Variants in PAIP1 observed in about 807,000 individuals in gnomAD.
PAIP1 encodes the protein poly(A) binding protein interacting protein 1.
PAIP1 carries 16 observed loss-of-function variants against 61.3 expected under a neutral mutation model. That is an observed-to-expected ratio of 0.26 (90% CI 0.18 to 0.40). The LOEUF is 0.40. Among genes scored for constraint, PAIP1 ranks in the 10% least tolerant of loss-of-function variants. The pLI is 1.00. For missense variants in PAIP1, 416 were observed against 600.9 expected (o/e 0.69, Z 3.22); for synonymous variants, 187 against 226.2 (o/e 0.83, Z 1.56).
At chr5:43,536,214 C>A (rs1399205120) in intron 6 of PAIP1, among the ~76,000 whole-genome samples, 1 of 152,138 alleles carries the variant, frequency 6.6e-6, no homozygotes, top group African/African-American at 2.4e-5. Context: ...ATTTGGAAGG[C>A]AAATTAGCCA....
intron 2 of PAIP1, among the ~76,000 whole-genome samples, chr5:43,554,048 G>T (rs1747967595): frequency 6.6e-6 from 1 of 152,216 alleles, no homozygotes; most frequent in African/African-American, 2.4e-5. Context: ...ATCTGTTTTG[G>T]TAAATTGAGC....
At chr5:43,528,979 T>A (rs1210339361) in intron 10 of PAIP1, among the ~76,000 whole-genome samples, 3 of 152,090 alleles carry the variant, frequency 2.0e-5, no homozygotes, top group African/African-American at 7.2e-5. Context: ...ATATAAACAG[T>A]CCTATAATTA....
At chr5:43,555,732 T>G (rs1262085620) in intron 2 of PAIP1, 98 bp downstream of exon 2, 18 of 1,006,012 alleles carry the variant, frequency 1.8e-5, no homozygotes, top group Non-Finnish European at 2.4e-5. Context: ...TTTTTTTACG[T>G]GTAGTACAGA....
intron 2 of PAIP1, among the ~76,000 whole-genome samples, chr5:43,551,629 G>A (rs1368850917): frequency 6.6e-6 from 1 of 152,020 alleles, no homozygotes; most frequent in Non-Finnish European, 1.5e-5. Flanking sequence ...CACTATTAAT[G>A]ACAAGGAACA....
At chr5:43,532,199 TAAA>T (rs1372811769) in intron 9 of PAIP1, among the ~76,000 whole-genome samples, 1 of 151,620 alleles carries the variant, frequency 6.6e-6, no homozygotes, top group East Asian at 1.9e-4. Flanking sequence ...TTAGAAAAAA[TAAA>T]AAACAAATAA....
At chr5:43,538,887 G>A in intron 5 of PAIP1, 37 bp downstream of exon 5, 1 of 1,000,656 alleles carries the variant, frequency 1.0e-6, no homozygotes, top group Non-Finnish European at 1.6e-6. Context: ...TATGTTCTCA[G>A]GCCTTGTTAG....
Position 43,556,403 on chromosome 5 carries a change from A to G in PAIP1, c.265+179T>C. On this transcript the variant is annotated intron_variant, in intron 1 of 10. Coordinates refer to ENST00000306846, the MANE Select transcript of PAIP1 (RefSeq NM_006451.5). ...AGCCAGGCGCACAAAGGATTCCAGC[A>G]GACACCTTCCAAACCCGGTTCCGGG... 2.4e-6 allele frequency: 3 copies of G among 1,229,546 alleles called. No individual in the cohort carries two copies. The African/African-American group carries it at 4.7e-5, about 19-fold the overall frequency. 76.2% of individuals were successfully genotyped at this position (1,229,546 alleles called of 1,614,324 possible). A position where few individuals can be genotyped will look rare whatever the true frequency, so the allele number is the denominator to read the frequency against.
intron 5 of PAIP1, among the ~76,000 whole-genome samples, chr5:43,537,599 C>T (rs576806718): frequency 6.6e-6 from 1 of 152,234 alleles, no homozygotes; most frequent in African/African-American, 2.4e-5. Flanking sequence ...GATAGATTCA[C>T]ATTGTCTTAT....
At chr5:43,556,395 A>G (rs774548438) in intron 1 of PAIP1, 187 bp downstream of exon 1, 5 of 1,231,482 alleles carry the variant, frequency 4.1e-6, no homozygotes, top group Non-Finnish European at 5.1e-6. Flanking sequence ...CGCACAAAGG[A>G]TTCCAGCAGA....
At chr5:43,534,784 G>A in intron 8 of PAIP1, 69 bp downstream of exon 8, 2 of 833,442 alleles carry the variant, frequency 2.4e-6, no homozygotes, top group Non-Finnish European at 4.2e-6. Flanking sequence ...ACAGCTTTAT[G>A]TAGCTCTTCT....
chr5:43,544,382 G>A (rs1477894393), intron 3 of PAIP1, among the ~76,000 whole-genome samples: 1 of 151,896 alleles, frequency 6.6e-6, no homozygotes, highest in African/African-American at 2.4e-5. Context: ...CCCAAGACTT[G>A]GTTCACCCTT....
chr5:43,526,893 T>C lies in PAIP1; in HGVS notation c.*483A>G, dbSNP rs1448413730. On this transcript the variant is annotated 3_prime_UTR_variant, in exon 11 of 11. Transcript: ENST00000306846. ...CAGTTGTTGATATATTCCAAGACTT[T>C]AGTGCTAAAGATTTTCAAGATTATG... The C allele has an allele frequency of 6.6e-6, 1 of 151,526 alleles. No homozygotes were observed. The highest frequency in any genetic ancestry group is 1.5e-5 in the Non-Finnish European group (1 of 67,700). The allele number at this position is 151,526 out of a possible 1,614,324, so 9.4% of individuals were successfully genotyped here.
chr5:43,535,512 TTTACA>T lies in PAIP1; in HGVS notation c.1079+17_1079+21del. 2.3e-6 allele frequency: 3 copies of T among 1,291,970 alleles called. No individual in the cohort carries two copies. Among genetic ancestry groups the T allele is most frequent in the Non-Finnish European group, 3.4e-6 (3 of 889,176 alleles). 80.0% of individuals were successfully genotyped at this position (1,291,970 alleles called of 1,614,324 possible). A position where few individuals can be genotyped will look rare whatever the true frequency, so the allele number is the denominator to read the frequency against. ...GCAAGAAATTGAGATGCACTGGCTA[TTTACA>T]TTACTTCTTTTCCTACCTACTGCAG... is the stretch of plus-strand genomic sequence containing the variant. On this transcript the variant is annotated intron_variant, in intron 7 of 10. Transcript: ENST00000306846.
intron 2 of PAIP1, among the ~76,000 whole-genome samples, chr5:43,549,976 G>A (rs944542036): frequency 2.0e-5 from 3 of 152,002 alleles, no homozygotes; most frequent in African/African-American, 4.8e-5. Flanking sequence ...CACCCAACTC[G>A]GCCTCCCAAA....
chr5:43,548,031 TTCA>T, intron 2 of PAIP1, 118 bp from the exon 3 acceptor site: 2 of 608,814 alleles, frequency 3.3e-6, no homozygotes, highest in African/African-American at 1.9e-5. Flanking sequence ...AAAATTTATG[TTCA>T]TCAATAAAAT....
chr5:43,531,674 AAAAG>A (rs1293174280), intron 9 of PAIP1, among the ~76,000 whole-genome samples: 9 of 147,632 alleles, frequency 6.1e-5, no homozygotes, highest in Non-Finnish European at 1.2e-4. Context: ...AAAAAAAAAA[AAAAG>A]AGAAAAAAAG....
intron 8 of PAIP1, among the ~76,000 whole-genome samples, 184 bp from the exon 9 acceptor site, chr5:43,533,976 G>A (rs940846464): frequency 1.2e-4 from 18 of 152,170 alleles, no homozygotes; most frequent in African/African-American, 4.3e-4. Flanking sequence ...AGATTTCCAT[G>A]CCATTATCTC....
chr5:43,549,482 C>T (rs545590006), intron 2 of PAIP1, among the ~76,000 whole-genome samples: 4 of 152,040 alleles, frequency 2.6e-5, no homozygotes, highest in South Asian at 4.2e-4. Flanking sequence ...CAGGGGTTTC[C>T]GCTTTTGCTT....
chr5:43,552,377 A>G, intron 2 of PAIP1, among the ~76,000 whole-genome samples: 1 of 152,248 alleles, frequency 6.6e-6, no homozygotes, highest in East Asian at 1.9e-4. Context: ...GGTCAAATAA[A>G]TGAAAATGTA....
Sources: gnomAD v4.1 joint callset for allele counts (sites outside exome capture counted in the v4.1 genomes callset) on GRCh38, gnomAD v4.1.1 for gene constraint, MANE v1.5 for transcripts, NCBI Gene and HGNC (gene_info 2026-07-23, HGNC 2026-07-21) for gene names.